Variants in CNTN5 observed in about 807,000 individuals in gnomAD.
CNTN5 encodes contactin-5.
A neutral mutation model predicts 129.1 loss-of-function variants in CNTN5; 77 were observed. The observed-to-expected ratio is 0.60, with a 90% CI of 0.50 to 0.72. The LOEUF is 0.72. CNTN5 is among the 30% of genes least tolerant of loss of function. The pLI is 0.00. For synonymous variants in CNTN5, 509 were observed against 465.6 expected, an observed-to-expected ratio of 1.09 and a Z score of -1.20; for missense variants, 1,478 against 1,328.8, an observed-to-expected ratio of 1.11 and a Z score of -1.75.
At chr11:99,247,974 C>G (rs1170258752) in intron 1 of CNTN5, among the ~76,000 whole-genome samples, 2 of 152,110 alleles carry the variant, frequency 1.3e-5, no homozygotes, top group South Asian at 2.1e-4. Context: ...TGGGTATATA[C>G]CCAGTAATGG....
At position 99,723,767 on chromosome 11, in the gene CNTN5, TGTGTGCATGC is replaced by T. The variant is rs200427212; in HGVS notation, c.56-95765_56-95756del. ...GCAGTAAATTGTGTGTGTGTATGTG[TGTGTGCATGC>T]GTGTGCATGCGCACGCGTGTGTGTT... On this transcript the variant is annotated intron_variant, in intron 3 of 24. Transcript: ENST00000524871. 1.0e-3 allele frequency among the ~76,000 whole-genome samples: 143 copies of T among 143,710 alleles called. 1 individual carries two copies. The highest frequency in any genetic ancestry group is 5.8e-3 in the East Asian group (30 of 5,174). 94.3% of individuals were successfully genotyped at this position (143,710 alleles called of 152,430 possible).
At chr11:99,215,188 C>G (rs183988859) in intron 1 of CNTN5, among the ~76,000 whole-genome samples, 1 of 152,218 alleles carries the variant, frequency 6.6e-6, no homozygotes, top group East Asian at 1.9e-4. Context: ...TGTAAAACAT[C>G]TCACATTCCT....
At chr11:99,732,637 T>C (rs1431590765) in intron 3 of CNTN5, among the ~76,000 whole-genome samples, 1 of 152,164 alleles carries the variant, frequency 6.6e-6, no homozygotes, top group Non-Finnish European at 1.5e-5. Context: ...GGCAGCACCA[T>C]TTGCATAGAG....
intron 3 of CNTN5, among the ~76,000 whole-genome samples, chr11:99,817,808 C>G (rs1200355870): frequency 6.6e-6 from 1 of 151,682 alleles, no homozygotes; most frequent in African/African-American, 2.4e-5. Context: ...TTATGTCTAC[C>G]CATAATCTGT....
chr11:99,443,170 A>G (rs2726404), intron 2 of CNTN5, among the ~76,000 whole-genome samples: 144,387 of 152,244 alleles, frequency 0.95, 68,959 homozygotes, highest in East Asian at 1. Flanking sequence ...GTCACTAGCG[A>G]CTTGTTGAAT....
At chr11:99,034,254 G>A (rs1863574576) in intron 1 of CNTN5, among the ~76,000 whole-genome samples, 1 of 152,138 alleles carries the variant, frequency 6.6e-6, no homozygotes, top group East Asian at 1.9e-4. Flanking sequence ...TTTCTGCCCG[G>A]CTTTGGTATC....
chr11:99,395,997 T>C (rs1385197760), intron 2 of CNTN5, among the ~76,000 whole-genome samples: 2 of 151,956 alleles, frequency 1.3e-5, no homozygotes, highest in Non-Finnish European at 2.9e-5. Context: ...GCTTTGTTCT[T>C]TTTGCTTAGG....
chr11:99,674,831 G>A (rs1271094345), intron 3 of CNTN5, among the ~76,000 whole-genome samples: 2 of 151,872 alleles, frequency 1.3e-5, no homozygotes, highest in Non-Finnish European at 2.9e-5. Context: ...TTGAACCTCT[G>A]AAACCAATGA....
At chr11:99,777,151 C>T (rs367991001) in intron 3 of CNTN5, among the ~76,000 whole-genome samples, 1 of 151,768 alleles carries the variant, frequency 6.6e-6, no homozygotes, top group Non-Finnish European at 1.5e-5. Flanking sequence ...GTGAATATTA[C>T]ATTCACTGAA....
chr11:99,458,724 T>C (rs1240358325), intron 2 of CNTN5, among the ~76,000 whole-genome samples: 1 of 151,986 alleles, frequency 6.6e-6, no homozygotes, highest in Non-Finnish European at 1.5e-5. Context: ...TGGAACCATA[T>C]AGCCTTGGTA....
At position 100,174,956 on chromosome 11, in the gene CNTN5, A is replaced by G. The variant is rs78276906; in HGVS notation, c.1581-16170A>G. 6.0e-4 allele frequency among the ~76,000 whole-genome samples: 92 copies of G among 152,236 alleles called. 3 individuals carry two copies. The East Asian group carries it at 0.017, about 29-fold the overall frequency. ...CTAAACTTTATCTAGAAGAAAGACC[A>G]TGGTGACAGCACAGCCTTTCTTGAG... On this transcript the variant is annotated intron_variant, in intron 13 of 24. Transcript: ENST00000524871.
intron 3 of CNTN5, among the ~76,000 whole-genome samples, chr11:99,794,472 T>C (rs1209783238): frequency 6.6e-6 from 1 of 152,176 alleles, no homozygotes; most frequent in Admixed American, 6.5e-5. Flanking sequence ...TCGTGTTTGT[T>C]AGCTGGGTTA....
chr11:100,350,633 C>G (rs1307861196), intron 23 of CNTN5, 69 bp from the exon 24 acceptor site: 1 of 1,167,634 alleles, frequency 8.6e-7, no homozygotes, highest in Non-Finnish European at 1.2e-6. Flanking sequence ...GAATGTGACA[C>G]ATAGTAGGCA....
At chr11:99,996,400 T>G (rs767460575) in intron 8 of CNTN5, among the ~76,000 whole-genome samples, 1 of 152,196 alleles carries the variant, frequency 6.6e-6, no homozygotes, top group African/African-American at 2.4e-5. Context: ...ACTCTGATAA[T>G]CAATGCTCTC....
intron 2 of CNTN5, among the ~76,000 whole-genome samples, chr11:99,422,161 A>G (rs886666019): frequency 1.3e-5 from 2 of 152,176 alleles, no homozygotes; most frequent in African/African-American, 4.8e-5. Flanking sequence ...ACAAGAAAGA[A>G]GAGGTTTAAT....
chr11:99,950,540 G>C (rs566573025), intron 7 of CNTN5, among the ~76,000 whole-genome samples: 21 of 152,326 alleles, frequency 1.4e-4, no homozygotes, highest in African/African-American at 5.0e-4. Flanking sequence ...CCAAGAGTCA[G>C]ACAGCTTTAT....
At chr11:99,902,207 ACTC>A (rs1949376216) in intron 6 of CNTN5, among the ~76,000 whole-genome samples, 4 of 144,148 alleles carry the variant, frequency 2.8e-5, no homozygotes. Context: ...GCGTGGATCT[ACTC>A]CTCTGTTTTT....
rs112109986 is a variant in CNTN5 at position 99,767,917 on chromosome 11, C to G, written c.56-51627C>G. 5.6e-3 allele frequency among the ~76,000 whole-genome samples: 846 copies of G among 152,128 alleles called. 8 individuals carry two copies. The highest frequency in any genetic ancestry group is 0.019 in the African/African-American group (806 of 41,524). ...TCAAAACAAAAAAGTAAAATGAACA[C>G]CCATATAAATACTCACGTAGCTCAG... On this transcript the variant is annotated intron_variant, in intron 3 of 24. Coordinates refer to ENST00000524871, the MANE Select transcript of CNTN5 (RefSeq NM_014361.4).
intron 13 of CNTN5, among the ~76,000 whole-genome samples, chr11:100,108,883 T>C (rs1194160864): frequency 6.6e-6 from 1 of 152,112 alleles, no homozygotes; most frequent in East Asian, 1.9e-4. Flanking sequence ...AAGATCAAAG[T>C]AATTTGCAGC....
Sources: gnomAD v4.1 joint callset for allele counts (sites outside exome capture counted in the v4.1 genomes callset) on GRCh38, gnomAD v4.1.1 for gene constraint, MANE v1.5 for transcripts, NCBI Gene and HGNC (gene_info 2026-07-23, HGNC 2026-07-21) for gene names.